RPS6KC1: variants seen among roughly 807,000 people sequenced by gnomAD.
The protein encoded by RPS6KC1 is inactive ribosomal protein S6 kinase delta-1.
RPS6KC1 carries 54 observed loss-of-function variants against 103.8 expected under a neutral mutation model. That is an observed-to-expected ratio of 0.52 (90% CI 0.42 to 0.65). RPS6KC1 has a LOEUF of 0.65. Ranked by LOEUF, RPS6KC1 falls within the 30% of genes least tolerant of loss-of-function variation. The pLI, the probability that RPS6KC1 is intolerant of heterozygous loss-of-function variation, is 0.00. For synonymous variants in RPS6KC1, 439 were observed against 438.7 expected, an observed-to-expected ratio of 1.00 and a Z score of -0.01; for missense variants, 1,151 against 1,253.8, an observed-to-expected ratio of 0.92 and a Z score of 1.24.
At chr1:213,402,151 C>G in the RPS6KC1 span, among the ~76,000 whole-genome samples, 1 of 152,160 alleles carries the variant, frequency 6.6e-6, no homozygotes, top group Non-Finnish European at 1.5e-5. Context: ...GGAGTGGTGT[C>G]ACAGACATGG....
At chr1:213,225,687 C>G (rs940265010) in intron 8 of RPS6KC1, among the ~76,000 whole-genome samples, 2 of 152,168 alleles carry the variant, frequency 1.3e-5, no homozygotes, top group South Asian at 2.1e-4. Context: ...CTGCGCCCAG[C>G]CGGTTTGGCC....
the RPS6KC1 span, among the ~76,000 whole-genome samples, chr1:213,462,550 T>C: frequency 3.3e-5 from 5 of 152,190 alleles, no homozygotes; most frequent in African/African-American, 1.2e-4. Flanking sequence ...GTGGCACATA[T>C]ATACCATGGA....
chr1:213,638,753 T>C, the RPS6KC1 span, among the ~76,000 whole-genome samples: 2 of 152,162 alleles, frequency 1.3e-5, no homozygotes, highest in African/African-American at 2.4e-5. Flanking sequence ...TTTTGAATAC[T>C]GTAACTTTAT....
chr1:213,465,948 G>C, the RPS6KC1 span, among the ~76,000 whole-genome samples: 1 of 152,040 alleles, frequency 6.6e-6, no homozygotes, highest in East Asian at 1.9e-4. Context: ...GACCATCCTT[G>C]CTCTTCTTCT....
At chr1:213,837,256 C>G in the RPS6KC1 span, 2 of 151,896 alleles carry the variant, frequency 1.3e-5, no homozygotes, top group Non-Finnish European at 2.9e-5. Context: ...CCCTCTAAGG[C>G]AAGATATTTG....
chr1:213,522,142 C>G, the RPS6KC1 span, among the ~76,000 whole-genome samples: 1 of 152,236 alleles, frequency 6.6e-6, no homozygotes, highest in Admixed American at 6.5e-5. Context: ...GGCTGCAGAA[C>G]TGATATTGTG....
the RPS6KC1 span, among the ~76,000 whole-genome samples, chr1:213,413,564 G>A: frequency 6.6e-6 from 1 of 152,208 alleles, no homozygotes; most frequent in Non-Finnish European, 1.5e-5. Context: ...GCAAGTGTGA[G>A]TGCTGGTTAC....
chr1:213,222,466 T>C (rs1013079280), intron 8 of RPS6KC1, among the ~76,000 whole-genome samples: 5 of 152,146 alleles, frequency 3.3e-5, no homozygotes, highest in African/African-American at 9.7e-5. Context: ...CATCTCTGCA[T>C]GGTCTGTTCA....
At chr1:213,851,488 C>G in the RPS6KC1 span, among the ~76,000 whole-genome samples, 21 of 152,306 alleles carry the variant, frequency 1.4e-4, no homozygotes, top group Non-Finnish European at 4.4e-5. Context: ...TGTTGACACC[C>G]TCTCTTGACT....
the RPS6KC1 span, among the ~76,000 whole-genome samples, chr1:213,836,253 C>A: frequency 4.0e-5 from 6 of 151,864 alleles, no homozygotes; most frequent in South Asian, 6.2e-4. Context: ...CCAGATTCAA[C>A]TCAGTAAAGA....
At chr1:213,714,433 G>A in the RPS6KC1 span, among the ~76,000 whole-genome samples, 1 of 152,184 alleles carries the variant, frequency 6.6e-6, no homozygotes. Context: ...TTTTCTCAAT[G>A]TCTATTTATC....
chr1:213,426,801 C>T, the RPS6KC1 span, among the ~76,000 whole-genome samples: 1 of 152,258 alleles, frequency 6.6e-6, no homozygotes, highest in East Asian at 1.9e-4. Context: ...CTGAAAGACT[C>T]TGTGGTAGCT....
chr1:213,171,416 G>A (rs2091468541), intron 7 of RPS6KC1, among the ~76,000 whole-genome samples: 2 of 151,450 alleles, frequency 1.3e-5, no homozygotes, highest in Admixed American at 6.6e-5. Flanking sequence ...GTTGAAAGAA[G>A]CTTTCCCTGG....
In RPS6KC1 at chr1:213,152,076, C is replaced by T. The variant is rs1312541950; in HGVS notation, c.836-15782C>T. On this transcript the variant is annotated intron_variant, in intron 6 of 14. Coordinates refer to ENST00000366960, the MANE Select transcript of RPS6KC1 (RefSeq NM_012424.6). ...GGGGCTAACCCCCCCACCTCCCTCCCGGACGGGGCGGCTGGCTGGGCAGAG... is the reference window on the plus strand; with the variant it reads ...GGGGCTAACCCCCCCACCTCCCTCCTGGACGGGGCGGCTGGCTGGGCAGAG... 3.7e-4 allele frequency among the ~76,000 whole-genome samples: 53 copies of T among 142,960 alleles called. 1 individual carries two copies. Among genetic ancestry groups the T allele is most frequent in the Admixed American group, 8.1e-4 (12 of 14,874 alleles). 93.8% of individuals were successfully genotyped at this position (142,960 alleles called of 152,430 possible).
At chr1:213,338,618 G>A in the RPS6KC1 span, among the ~76,000 whole-genome samples, 15 of 152,134 alleles carry the variant, frequency 9.9e-5, no homozygotes, top group Non-Finnish European at 1.9e-4. Context: ...ACGTGATGTG[G>A]TACATTGGGA....
chr1:213,705,911 A>G, the RPS6KC1 span, among the ~76,000 whole-genome samples: 1 of 152,200 alleles, frequency 6.6e-6, no homozygotes, highest in Non-Finnish European at 1.5e-5. Flanking sequence ...AAAGGGCTTC[A>G]CAACTCTTAC....
chr1:213,721,768 C>T, the RPS6KC1 span, among the ~76,000 whole-genome samples: 1 of 152,166 alleles, frequency 6.6e-6, no homozygotes, highest in Non-Finnish European at 1.5e-5. Flanking sequence ...GGAAGAGGTC[C>T]AAGGACATTG....
intron 3 of RPS6KC1, among the ~76,000 whole-genome samples, chr1:213,099,797 T>G (rs564275377): frequency 6.6e-6 from 1 of 152,318 alleles, no homozygotes; most frequent in South Asian, 2.1e-4. Flanking sequence ...TTGGGATTCA[T>G]CCATACTGTT....
At chr1:213,200,052 C>A (rs1309874095) in intron 8 of RPS6KC1, among the ~76,000 whole-genome samples, 3 of 152,150 alleles carry the variant, frequency 2.0e-5, no homozygotes, top group Non-Finnish European at 2.9e-5. Context: ...GTTAAAATGG[C>A]CATACTGCCC....
Sources: allele counts gnomAD v4.1 joint callset (sites outside exome capture counted in the v4.1 genomes callset), GRCh38; gene constraint gnomAD v4.1.1; transcripts MANE v1.5; gene names NCBI Gene and HGNC (gene_info 2026-07-23, HGNC 2026-07-21).